RBPMS2: variants seen among roughly 807,000 people sequenced by gnomAD.
RBPMS2 encodes RNA-binding protein with multiple splicing 2.
A neutral mutation model predicts 25.7 loss-of-function variants in RBPMS2; 14 were observed. The ratio of observed to expected loss-of-function variants is 0.55; its 90% CI spans 0.36 to 0.85. RBPMS2 has a LOEUF of 0.85. RBPMS2 is among the 40% of genes least tolerant of loss of function. RBPMS2 has a pLI of 0.01. For missense variants in RBPMS2, 252 were observed against 283.4 expected, an observed-to-expected ratio of 0.89 and a Z score of 0.80; for synonymous variants, 127 against 115.6, an observed-to-expected ratio of 1.10 and a Z score of -0.63.
intron 1 of RBPMS2, among the ~76,000 whole-genome samples, chr15:64,752,991 GC>G (rs2083696952): frequency 6.6e-6 from 1 of 152,138 alleles, no homozygotes; most frequent in Non-Finnish European, 1.5e-5. Flanking sequence ...TGTGACTGTA[GC>G]CACTGCTGCT....
At chr15:64,744,971 C>T (rs1345486745) in intron 6 of RBPMS2, among the ~76,000 whole-genome samples, 4 of 151,494 alleles carry the variant, frequency 2.6e-5, no homozygotes, top group African/African-American at 9.7e-5. Context: ...CCCGCCACCA[C>T]GCCCAGCTAA....
chr15:64,744,362 C>T (rs982839064), intron 6 of RBPMS2, among the ~76,000 whole-genome samples: 1 of 151,796 alleles, frequency 6.6e-6, no homozygotes, highest in African/African-American at 2.4e-5. Flanking sequence ...AGTTCGAGAC[C>T]AGCCTGACCA....
chr15:64,767,039 C>T (rs557321111), intron 1 of RBPMS2, among the ~76,000 whole-genome samples: 143 of 152,282 alleles, frequency 9.4e-4, no homozygotes, highest in Middle Eastern at 3.4e-3. Context: ...CCACTTCAGT[C>T]TCCTAAAGTG....
chr15:64,772,449 T>C (rs2141081557), intron 1 of RBPMS2, among the ~76,000 whole-genome samples: 1 of 151,958 alleles, frequency 6.6e-6, no homozygotes, highest in Non-Finnish European at 1.5e-5. Context: ...TCAAAGGGTA[T>C]CAAAGCTTCG....
At chr15:64,748,645 G>C (rs572415913) in intron 5 of RBPMS2, 78 bp from the exon 6 acceptor site, 57 of 1,484,832 alleles carry the variant, frequency 3.8e-5, no homozygotes, top group Admixed American at 7.0e-5. Flanking sequence ...CCAGCACTAT[G>C]GTTGAGCCAT....
intron 6 of RBPMS2, among the ~76,000 whole-genome samples, chr15:64,744,419 G>A (rs139778175): frequency 2.6e-4 from 39 of 151,870 alleles, no homozygotes; most frequent in African/African-American, 8.2e-4. Context: ...TCAGCTGGGC[G>A]TGGTGGTACA....
At chr15:64,770,200 A>G (rs1030986482) in intron 1 of RBPMS2, among the ~76,000 whole-genome samples, 2 of 152,128 alleles carry the variant, frequency 1.3e-5, no homozygotes, top group African/African-American at 4.8e-5. Flanking sequence ...AAAAAAAAGA[A>G]AATTGCAGAT....
chr15:64,754,458 C>T (rs1176241601), intron 1 of RBPMS2, among the ~76,000 whole-genome samples: 1 of 151,776 alleles, frequency 6.6e-6, no homozygotes, highest in African/African-American at 2.4e-5. Flanking sequence ...CTAAAAAATA[C>T]AAAATTAGCT....
chr15:64,752,927 G>A (rs1346138366), intron 1 of RBPMS2, among the ~76,000 whole-genome samples: 1 of 152,002 alleles, frequency 6.6e-6, no homozygotes, highest in Non-Finnish European at 1.5e-5. Context: ...TGTGAATTTT[G>A]AGCATTGCCC....
In RBPMS2 at chr15:64,775,393, G is replaced by T; in HGVS notation, c.-74C>A. On this transcript the variant is annotated 5_prime_UTR_variant, in exon 1 of 8. Transcript: ENST00000300069. Reference sequence around the variant, plus strand: ...CCGGCCCCGCGGGAAGTGGGAAGGGGCGCGGGGAGCGGTGCGCTCGCGGGT... The same window carrying T: ...CCGGCCCCGCGGGAAGTGGGAAGGGTCGCGGGGAGCGGTGCGCTCGCGGGT... 1.2e-6 allele frequency: 1 copy of T among 853,988 alleles called. No individual in the cohort carries two copies. Among genetic ancestry groups the T allele is most frequent in the Non-Finnish European group, 1.5e-6 (1 of 648,792 alleles). 52.9% of individuals were successfully genotyped at this position (853,988 alleles called of 1,614,324 possible).
At chr15:64,754,355 T>C (rs182782975) in intron 1 of RBPMS2, among the ~76,000 whole-genome samples, 93 of 151,732 alleles carry the variant, frequency 6.1e-4, no homozygotes, top group Admixed American at 6.1e-3. Flanking sequence ...CTTACACCTG[T>C]AATCCCAGCA....
rs1271312042 is a variant in RBPMS2 at position 64,752,613 on chromosome 15, G to C, written c.88-975C>G. On this transcript the variant is annotated intron_variant, in intron 1 of 7. Coordinates refer to ENST00000300069, the MANE Select transcript of RBPMS2 (RefSeq NM_194272.3). ...AGCTTCAGGTGAAGCATTTGATGCT[G>C]TGAGTTTTTTTTTTTTTGAGATGGA... Among the ~76,000 whole-genome samples, 3 of 151,862 alleles carry C rather than the reference G, an allele frequency of 2.0e-5. No individual in the cohort carries two copies. In the East Asian group the frequency reaches 5.8e-4, roughly 29 times the overall value.
At chr15:64,744,286 C>T (rs1223920571) in intron 6 of RBPMS2, among the ~76,000 whole-genome samples, 1 of 151,144 alleles carries the variant, frequency 6.6e-6, no homozygotes, top group African/African-American at 2.4e-5. Flanking sequence ...TGGCTGGGCG[C>T]GGTGGCTCAT....
chr15:64,752,937 C>G (rs963201977), intron 1 of RBPMS2, among the ~76,000 whole-genome samples: 2 of 151,988 alleles, frequency 1.3e-5, no homozygotes, highest in Non-Finnish European at 2.9e-5. Flanking sequence ...GAGCATTGCC[C>G]CCAACATGGT....
chr15:64,762,430 C>T (rs1404790601), intron 1 of RBPMS2: 1 of 534,764 alleles, frequency 1.9e-6, no homozygotes, highest in Admixed American at 1.9e-5. Flanking sequence ...GCCTACATTT[C>T]TAAGTTTACG....
intron 1 of RBPMS2, chr15:64,762,331 GCC>G: frequency 1.9e-6 from 1 of 514,096 alleles, no homozygotes; most frequent in South Asian, 1.4e-5. Flanking sequence ...GTGGCCTTGT[GCC>G]CCACTAGCTA....
chr15:64,766,075 G>C (rs1486206148), intron 1 of RBPMS2, among the ~76,000 whole-genome samples: 1 of 152,184 alleles, frequency 6.6e-6, no homozygotes, highest in Non-Finnish European at 1.5e-5. Context: ...TAGTTGAGGA[G>C]GGGGAGGTTG....
chr15:64,753,092 G>C (rs7403350), intron 1 of RBPMS2, among the ~76,000 whole-genome samples: 113,027 of 152,092 alleles, frequency 0.74, 45,663 homozygotes, highest in East Asian at 0.96. Context: ...CCATAGCTTA[G>C]ATCCATTCAA....
intron 1 of RBPMS2, among the ~76,000 whole-genome samples, chr15:64,769,608 T>C (rs56033966): frequency 0.25 from 37,868 of 149,210 alleles, 8,019 homozygotes; most frequent in African/African-American, 0.58. Context: ...TGCAGTGAGC[T>C]GAGATCGCGC....
Sources: allele counts gnomAD v4.1 joint callset (sites outside exome capture counted in the v4.1 genomes callset), GRCh38; gene constraint gnomAD v4.1.1; transcripts MANE v1.5; gene names NCBI Gene and HGNC (gene_info 2026-07-23, HGNC 2026-07-21).